FGD6: variants seen among roughly 807,000 people sequenced by gnomAD.
FGD6 encodes FYVE, RhoGEF and PH domain containing 6.
Under a neutral mutation model 149.4 loss-of-function variants are expected in FGD6, and 90 were observed. That is an observed-to-expected ratio of 0.60 (90% confidence interval 0.51 to 0.72). FGD6 has a LOEUF of 0.72. FGD6 is among the 30% of genes least tolerant of loss of function. FGD6 has a pLI of 0.00. For synonymous variants in FGD6, 527 were observed against 584.0 expected (o/e 0.90, Z 1.41); for missense variants, 1,437 against 1,684.8 (o/e 0.85, Z 2.57).
In FGD6 at chr12:95,177,488, T is replaced by C. The variant is rs916927685; in HGVS notation, c.2442-4744A>G. On this transcript the variant is annotated intron_variant, in intron 2 of 20. Coordinates refer to ENST00000343958, the MANE Select transcript of FGD6 (RefSeq NM_018351.4). Reference sequence around the variant, plus strand: ...TCCCTCACCTTCAGAAGTTTCTTTCTTATTTCCAAGTCACCACATGTAAAT... The same window carrying C: ...TCCCTCACCTTCAGAAGTTTCTTTCCTATTTCCAAGTCACCACATGTAAAT... Among the ~76,000 whole-genome samples the C allele has an allele frequency of 6.6e-5, 10 of 152,350 alleles. No homozygotes were observed. The East Asian group carries it at 1.7e-3, about 26-fold the overall frequency.
intron 8 of FGD6, among the ~76,000 whole-genome samples, chr12:95,129,303 GCATGCATGCATCCATCCATCCATCCATC>G (rs1458794957): frequency 7.6e-6 from 1 of 130,760 alleles, no homozygotes; most frequent in African/African-American, 3.2e-5. Flanking sequence ...ATCCATGCAT[GCATGCATGCATCCATCCATCCATCCATC>G]CATCCATCCA....
Position 95,141,391 on chromosome 12 carries a change from T to C in FGD6, c.2834A>G (p.His945Arg), listed in dbSNP as rs1565906412. ...TCTGAAAACGGTCCATTTTTACCAG[T>C]GCAACATTCTTTCCTCCAGTTCCTT... is the stretch of plus-strand genomic sequence containing the variant. ...LLKELEERML[H>R]WTEQQRIADI... Residue 945 changes from histidine (H) to arginine (R), a missense_variant, in exon 6 of 21, where the codon CAC becomes CGC. Coordinates refer to ENST00000343958, the MANE Select transcript of FGD6 (RefSeq NM_018351.4). 7.4e-6 allele frequency: 12 copies of C among 1,613,790 alleles called. No homozygotes were observed. Among genetic ancestry groups the C allele is most frequent in the Non-Finnish European group, 1.0e-5 (12 of 1,179,878 alleles).
chr12:95,101,681 CTTTTTTTTT>C (rs757955014), intron 14 of FGD6, among the ~76,000 whole-genome samples: 4 of 107,808 alleles, frequency 3.7e-5, no homozygotes, highest in Non-Finnish European at 7.1e-5. Flanking sequence ...TTTGAACTTT[CTTTTTTTTT>C]TTTTTTTTTT....
chr12:95,164,956 A>AT (rs1880763448), intron 3 of FGD6, among the ~76,000 whole-genome samples: 1 of 152,184 alleles, frequency 6.6e-6, no homozygotes, highest in South Asian at 2.1e-4. Context: ...CTTTACAAAG[A>AT]TTTTTTAAAA....
Position 95,147,231 on chromosome 12 carries a change from T to C in FGD6, c.2685+5580A>G, listed in dbSNP as rs562035006. On this transcript the variant is annotated intron_variant, in intron 5 of 20. Transcript: ENST00000343958. ...TGAGTGTGAAACTATGGAGTAAAAG[T>C]AGAGGTGGGAAAGTCCCCACATTAA... Among the ~76,000 whole-genome samples the C allele has an allele frequency of 3.9e-5, 6 of 152,264 alleles. No homozygotes were observed. In the East Asian group the frequency reaches 7.7e-4, roughly 20 times the overall value.
At chr12:95,082,984 TAAAAAAAAAA>T (rs1173446654) in intron 20 of FGD6, among the ~76,000 whole-genome samples, 9 of 31,130 alleles carry the variant, frequency 2.9e-4, no homozygotes, top group South Asian at 4.0e-3. Flanking sequence ...CTGTCTCCAT[TAAAAAAAAAA>T]AAAAAAAAAA....
rs767628590 is a variant in FGD6 at position 95,210,615 on chromosome 12, C to G, written c.669G>C (p.Ala223=). 1.2e-6 allele frequency: 2 copies of G among 1,614,160 alleles called. No homozygotes were observed. Among genetic ancestry groups the G allele is most frequent in the Admixed American group, 1.7e-5 (1 of 60,014 alleles). The change falls in exon 2 of 21, where the codon GCG becomes GCC. Residue 223 remains alanine (A), a synonymous_variant. Coordinates refer to ENST00000343958, the MANE Select transcript of FGD6 (RefSeq NM_018351.4). ...AGCTGGATGGGGAAGGTGACAAATC[C>G]GCAAATTCAATTCTGAATTGTCCAT... The part of the protein sequence containing the change: ...NSNGQFRIEF[A]DLSPSPSSFE...
chr12:95,121,138 T>C (rs560150079), intron 8 of FGD6, among the ~76,000 whole-genome samples: 9 of 152,064 alleles, frequency 5.9e-5, no homozygotes, highest in African/African-American at 2.2e-4. Context: ...AAATGAAAAG[T>C]GTCAATATTT....
chr12:95,183,383 A>G (rs1489157450), intron 2 of FGD6, among the ~76,000 whole-genome samples: 6 of 152,216 alleles, frequency 3.9e-5, no homozygotes, highest in Non-Finnish European at 7.3e-5. Flanking sequence ...TCCTGAGTAC[A>G]GGCCTGGGTG....
chr12:95,152,845 TA>T lies in FGD6; in HGVS notation c.2655-5del, dbSNP rs900631045. 13 of 1,613,436 alleles carry T rather than the reference TA, an allele frequency of 8.1e-6. No individual in the cohort carries two copies. The highest frequency in any genetic ancestry group is 1.1e-5 in the Non-Finnish European group (13 of 1,179,706). ...AAGTTTTAACACATCCACAAACCTG[TA>T]AAAAACAACAATGAAAAAAATGTTT... On this transcript the variant is annotated splice_region_variant and splice_polypyrimidine_tract_variant and intron_variant, in intron 4 of 20. Coordinates refer to ENST00000343958, the MANE Select transcript of FGD6 (RefSeq NM_018351.4).
chr12:95,085,949 C>T (rs1237155665), intron 18 of FGD6, 41 bp from the exon 19 acceptor site: 2 of 1,550,622 alleles, frequency 1.3e-6, no homozygotes, highest in East Asian at 2.3e-5. Flanking sequence ...GGTTTTCAGA[C>T]AAATTATAAC....
chr12:95,103,430 G>A (rs760033217), intron 14 of FGD6, among the ~76,000 whole-genome samples: 1 of 152,162 alleles, frequency 6.6e-6, no homozygotes, highest in African/African-American at 2.4e-5. Context: ...TAGAGTTTCA[G>A]GTTTCCTCAG....
chr12:95,182,471 G>A (rs1295502313), intron 2 of FGD6, among the ~76,000 whole-genome samples: 2 of 152,072 alleles, frequency 1.3e-5, no homozygotes, highest in African/African-American at 4.8e-5. Context: ...AAAGTGCTGG[G>A]ATTACAGGTG....
intron 2 of FGD6, among the ~76,000 whole-genome samples, chr12:95,175,820 GAA>G (rs1313643366): frequency 7.7e-6 from 1 of 130,002 alleles, no homozygotes; most frequent in Admixed American, 7.8e-5. Flanking sequence ...AAAAAAAAAA[GAA>G]AAAAAAAAAG....
chr12:95,094,560 C>T, intron 15 of FGD6, 32 bp downstream of exon 15: 2 of 1,430,024 alleles, frequency 1.4e-6, no homozygotes. Flanking sequence ...TTGAAATGCA[C>T]TGGAAAAAAA....
chr12:95,196,012 T>C (rs1881727632), intron 2 of FGD6, among the ~76,000 whole-genome samples: 1 of 151,974 alleles, frequency 6.6e-6, no homozygotes, highest in Non-Finnish European at 1.5e-5. Flanking sequence ...ATCAGCTACT[T>C]GGGAGGCTGA....
At chr12:95,089,919 C>G (rs1296811793) in intron 17 of FGD6, among the ~76,000 whole-genome samples, 1 of 152,060 alleles carries the variant, frequency 6.6e-6, no homozygotes, top group Non-Finnish European at 1.5e-5. Flanking sequence ...GAAAGGATTA[C>G]TCTTGTGTGC....
chr12:95,169,501 G>GA (rs1880925971), intron 3 of FGD6, among the ~76,000 whole-genome samples: 1 of 152,158 alleles, frequency 6.6e-6, no homozygotes, highest in Non-Finnish European at 1.5e-5. Flanking sequence ...CACAAACGCA[G>GA]AGGAAGGAAC....
chr12:95,191,030 G>GAC (rs1881573470), intron 2 of FGD6, among the ~76,000 whole-genome samples: 1 of 152,058 alleles, frequency 6.6e-6, no homozygotes, highest in African/African-American at 2.4e-5. Flanking sequence ...CTACATGTAA[G>GAC]ACTACAGGGA....
Sources: gnomAD v4.1 joint callset for allele counts (sites outside exome capture counted in the v4.1 genomes callset) on GRCh38, gnomAD v4.1.1 for gene constraint, MANE v1.5 for transcripts, NCBI Gene and HGNC (gene_info 2026-07-23, HGNC 2026-07-21) for gene names.